PPP1R9A: variants seen among roughly 807,000 people sequenced by gnomAD.
The protein encoded by PPP1R9A is protein phosphatase 1 regulatory subunit 9A.
PPP1R9A carries 59 observed loss-of-function variants against 141.9 expected under a neutral mutation model. That is an observed-to-expected ratio of 0.42 (90% CI 0.34 to 0.52). PPP1R9A has a LOEUF of 0.52. PPP1R9A is among the 20% of genes least tolerant of loss of function. The pLI is 0.10. For synonymous variants in PPP1R9A, 500 were observed against 569.7 expected, an observed-to-expected ratio of 0.88 and a Z score of 1.74; for missense variants, 1,444 against 1,611.9, an observed-to-expected ratio of 0.90 and a Z score of 1.78.
At chr7:95,284,359 G>T in intron 17 of PPP1R9A, 29 bp downstream of exon 17, 4 of 1,395,550 alleles carry the variant, frequency 2.9e-6, no homozygotes, top group Non-Finnish European at 3.8e-6. Context: ...ACAATGCATG[G>T]TATTTCTTAT....
chr7:94,963,105 A>G lies in PPP1R9A; in HGVS notation c.1395+51597A>G, dbSNP rs193252102. 3.7e-3 allele frequency among the ~76,000 whole-genome samples: 556 copies of G among 152,294 alleles called. 3 individuals are homozygous for G. Among genetic ancestry groups the G allele is most frequent in the African/African-American group, 0.013 (520 of 41,562 alleles). On this transcript the variant is annotated intron_variant, in intron 2 of 19. Coordinates refer to ENST00000433360, the MANE Select transcript of PPP1R9A (RefSeq NM_001166160.2). The stretch of plus-strand genomic sequence containing the variant: ...CAGGCATTTGGGTTTATGAAACCAC[A>G]TAGCCATAAAATATAAACAAACAAT...
intron 2 of PPP1R9A, among the ~76,000 whole-genome samples, chr7:95,094,837 A>G (rs967703577): frequency 2.2e-5 from 3 of 138,866 alleles, no homozygotes. Flanking sequence ...CTGAGATCAC[A>G]CCACTGCACT....
intron 5 of PPP1R9A, among the ~76,000 whole-genome samples, chr7:95,181,175 T>C (rs1342262306): frequency 6.8e-6 from 1 of 146,252 alleles, no homozygotes; most frequent in East Asian, 2.0e-4. Flanking sequence ...TATATATAGA[T>C]ATATCTATCT....
At chr7:95,119,625 T>C (rs1297474334) in intron 3 of PPP1R9A, among the ~76,000 whole-genome samples, 3 of 151,958 alleles carry the variant, frequency 2.0e-5, no homozygotes, top group African/African-American at 7.3e-5. Flanking sequence ...AGCTAATTTT[T>C]CTATTTGTAG....
chr7:94,998,353 T>C (rs1802448775), intron 2 of PPP1R9A, among the ~76,000 whole-genome samples: 2 of 152,220 alleles, frequency 1.3e-5, no homozygotes, highest in Admixed American at 1.3e-4. Flanking sequence ...ACCCCTCTCA[T>C]TTTACAGGAG....
intron 8 of PPP1R9A, among the ~76,000 whole-genome samples, chr7:95,244,639 A>G (rs1272064134): frequency 6.6e-6 from 1 of 152,174 alleles, no homozygotes; most frequent in Non-Finnish European, 1.5e-5. Context: ...TGCAGTGTTC[A>G]CTGTGGAATC....
chr7:95,101,249 A>G (rs1371239245), intron 2 of PPP1R9A, among the ~76,000 whole-genome samples: 1 of 152,164 alleles, frequency 6.6e-6, no homozygotes, highest in East Asian at 1.9e-4. Flanking sequence ...GTGTTTTTAA[A>G]CCAAGACAGG....
At chr7:95,263,922 G>T (rs958339152) in intron 12 of PPP1R9A, among the ~76,000 whole-genome samples, 1 of 152,014 alleles carries the variant, frequency 6.6e-6, no homozygotes, top group Non-Finnish European at 1.5e-5. Flanking sequence ...ATCTATTAAT[G>T]CATATATAAT....
chr7:94,961,784 A>T (rs1177220651), intron 2 of PPP1R9A, among the ~76,000 whole-genome samples: 3 of 151,922 alleles, frequency 2.0e-5, no homozygotes, highest in Non-Finnish European at 2.9e-5. Flanking sequence ...TTTACTCGTG[A>T]ATTAAGCACA....
chr7:94,966,100 G>A (rs536863315), intron 2 of PPP1R9A, among the ~76,000 whole-genome samples: 3 of 136,570 alleles, frequency 2.2e-5, no homozygotes, highest in African/African-American at 7.6e-5. Flanking sequence ...GTGAGTTCAC[G>A]TATTATTTGG....
chr7:95,249,879 TA>T, intron 9 of PPP1R9A, 146 bp from the exon 10 acceptor site: 1 of 1,175,326 alleles, frequency 8.5e-7, no homozygotes, highest in Non-Finnish European at 1.2e-6. Flanking sequence ...TGTGGAATTA[TA>T]AAAATAATAC....
intron 2 of PPP1R9A, among the ~76,000 whole-genome samples, chr7:94,918,710 T>C (rs1792390954): frequency 6.6e-6 from 1 of 152,102 alleles, no homozygotes; most frequent in Non-Finnish European, 1.5e-5. Context: ...TAGACTTACT[T>C]CTGGACATTT....
In PPP1R9A at chr7:95,088,021, TAAG is replaced by T. The variant is rs534032563; in HGVS notation, c.1396-23235_1396-23233del. ...AGTGTGTCAGAGAGAAGATGGGAAA[TAAG>T]AATTTTAAAAAATAAAATCTTGCAA... On this transcript the variant is annotated intron_variant, in intron 2 of 19. Transcript: ENST00000433360. Among the ~76,000 whole-genome samples, 539 of 151,956 alleles carry T rather than the reference TAAG, an allele frequency of 3.5e-3. 15 individuals carry two copies. The highest frequency in any genetic ancestry group is 0.012 in the African/African-American group (514 of 41,336).
chr7:95,236,635 G>A (rs1420398962), intron 8 of PPP1R9A, among the ~76,000 whole-genome samples: 1 of 140,932 alleles, frequency 7.1e-6, no homozygotes, highest in Non-Finnish European at 1.6e-5. Context: ...AGGTTTTTTT[G>A]TAGAATTTTA....
intron 2 of PPP1R9A, among the ~76,000 whole-genome samples, chr7:95,066,042 G>A (rs1425175959): frequency 6.6e-6 from 1 of 152,128 alleles, no homozygotes; most frequent in East Asian, 1.9e-4. Flanking sequence ...CTACCCCCAA[G>A]TTCATGTGTT....
At chr7:95,127,203 T>G (rs1823709333) in intron 4 of PPP1R9A, among the ~76,000 whole-genome samples, 1 of 152,188 alleles carries the variant, frequency 6.6e-6, no homozygotes, top group African/African-American at 2.4e-5. Context: ...TTATCAGATT[T>G]TCAAATTTTT....
intron 2 of PPP1R9A, among the ~76,000 whole-genome samples, chr7:94,919,543 T>C (rs1792525854): frequency 1.3e-5 from 2 of 152,152 alleles, no homozygotes; most frequent in Admixed American, 1.3e-4. Flanking sequence ...CCTTTTCTAA[T>C]AATCTGATGC....
In PPP1R9A at chr7:94,910,545, G is replaced by T; in HGVS notation, c.432G>T (p.Lys144Asn). The change falls in exon 2 of 20, where the codon AAG becomes AAT. Residue 144 changes from lysine (K) to asparagine (N), a missense_variant. By Grantham distance (94) the Lys-to-Asn change is moderately conservative. This residue lies in a region of PPP1R9A where 490 missense variants were observed against 521.1 expected (regional missense o/e 0.94). Coordinates refer to ENST00000433360, the MANE Select transcript of PPP1R9A (RefSeq NM_001166160.2). This position sits in a 1 kb window ranked among gnomAD's most constrained non-coding sequence, Gnocchi z 4.5. Reference sequence around the variant, plus strand: ...ATTCCAAGTTCACTGAGACTCGAAAGATGTTTGAGAGAAGTGTGCATGAAT... The same window carrying T: ...ATTCCAAGTTCACTGAGACTCGAAATATGTTTGAGAGAAGTGTGCATGAAT... ...PSYSKFTETRKMFERSVHESG... is the reference protein window; with the variant it reads ...PSYSKFTETRNMFERSVHESG... The T allele has an allele frequency of 6.2e-7, 1 of 1,614,170 alleles. No homozygotes were observed. Among genetic ancestry groups the T allele is most frequent in the Middle Eastern group, 1.6e-4 (1 of 6,062 alleles).
At position 95,022,855 on chromosome 7, in the gene PPP1R9A, T is replaced by C. The variant is rs537084479; in HGVS notation, c.1396-88404T>C. ...AACTTGATCGTGGTGGATAAGCTTT[T>C]TGATGTCCTGCTGGATTTGGTTTGC... On this transcript the variant is annotated intron_variant, in intron 2 of 19. Coordinates refer to ENST00000433360, the MANE Select transcript of PPP1R9A (RefSeq NM_001166160.2). 5.2e-3 allele frequency among the ~76,000 whole-genome samples: 786 copies of C among 152,336 alleles called. 9 individuals are homozygous for C. Among genetic ancestry groups the C allele is most frequent in the African/African-American group, 0.017 (727 of 41,568 alleles).
Sources: allele counts gnomAD v4.1 joint callset (sites outside exome capture counted in the v4.1 genomes callset), GRCh38; gene constraint gnomAD v4.1.1; regional missense constraint gnomAD v4.1.1; non-coding constraint Gnocchi (gnomAD v3.1); transcripts MANE v1.5; gene names NCBI Gene and HGNC (gene_info 2026-07-23, HGNC 2026-07-21).